The following DLG2 variants were observed in gnomAD, a reference collection of about 807,000 sequenced individuals.
The protein encoded by DLG2 is disks large homolog 2.
DLG2 carries 45 observed loss-of-function variants against 132.5 expected under a neutral mutation model. The observed-to-expected ratio is 0.34, with a 90% CI of 0.27 to 0.44. The LOEUF (loss-of-function observed/expected upper bound fraction) is 0.44, where lower values mean the gene tolerates loss of function less well. Among genes scored for constraint, DLG2 ranks in the 20% least tolerant of loss-of-function variants. The pLI, the probability that DLG2 is intolerant of heterozygous loss-of-function variation, is 1.00. For synonymous variants in DLG2, 424 were observed against 419.6 expected, an observed-to-expected ratio of 1.01 and a Z score of -0.13; for missense variants, 1,045 against 1,196.9, an observed-to-expected ratio of 0.87 and a Z score of 1.87.
At chr11:84,341,607 G>T (rs975315947) in intron 7 of DLG2, among the ~76,000 whole-genome samples, 5 of 152,198 alleles carry the variant, frequency 3.3e-5, no homozygotes, top group African/African-American at 9.6e-5. Flanking sequence ...TGCAACAAGG[G>T]TTGAGAATCA....
At chr11:83,511,817 G>C (rs2095045258) in intron 21 of DLG2, among the ~76,000 whole-genome samples, 1 of 150,820 alleles carries the variant, frequency 6.6e-6, no homozygotes, top group Non-Finnish European at 1.5e-5. Context: ...TCTCACCTCA[G>C]CCTCCCAAGT....
At chr11:84,230,528 T>C (rs1370462631) in intron 8 of DLG2, among the ~76,000 whole-genome samples, 1 of 152,232 alleles carries the variant, frequency 6.6e-6, no homozygotes, top group Non-Finnish European at 1.5e-5. Flanking sequence ...ATTGAGTAGC[T>C]GTGATTTTTT....
chr11:83,483,466 T>A lies in DLG2; in HGVS notation c.2293+663A>T, dbSNP rs80236859. ...AAAAAAACTTTCACCCCAAACTCCTTGAGCTGAGATTCAAGAAGGAAATTT... is the reference window on the plus strand; with the variant it reads ...AAAAAAACTTTCACCCCAAACTCCTAGAGCTGAGATTCAAGAAGGAAATTT... On this transcript the variant is annotated intron_variant, in intron 22 of 27. Transcript: ENST00000376104. Among the ~76,000 whole-genome samples the A allele has an allele frequency of 4.8e-4, 73 of 152,182 alleles. No homozygotes were observed. In the East Asian group the frequency reaches 0.014, roughly 29 times the overall value.
intron 6 of DLG2, among the ~76,000 whole-genome samples, chr11:84,701,726 C>T (rs1424319577): frequency 6.6e-6 from 1 of 151,582 alleles, no homozygotes; most frequent in East Asian, 1.9e-4. Flanking sequence ...TTTTATAATT[C>T]CTAATATTTG....
intron 6 of DLG2, among the ~76,000 whole-genome samples, chr11:84,746,215 G>T (rs1466197009): frequency 6.7e-6 from 1 of 149,712 alleles, no homozygotes; most frequent in South Asian, 2.1e-4. Context: ...ATGGAAATCT[G>T]TGAGGAAAGA....
intron 6 of DLG2, among the ~76,000 whole-genome samples, chr11:84,633,855 T>C (rs2099636235): frequency 6.6e-6 from 1 of 152,098 alleles, no homozygotes; most frequent in Admixed American, 6.6e-5. Context: ...AAATTTGGAC[T>C]GAGTGAAATA....
intron 3 of DLG2, among the ~76,000 whole-genome samples, chr11:85,593,946 T>C (rs941681093): frequency 1.3e-5 from 2 of 152,198 alleles, no homozygotes; most frequent in African/African-American, 2.4e-5. Context: ...TATAGCTTAC[T>C]GTTGTATCCC....
At chr11:85,500,332 A>C in intron 3 of DLG2, among the ~76,000 whole-genome samples, 1 of 133,980 alleles carries the variant, frequency 7.5e-6, no homozygotes. Flanking sequence ...ATAGGTGGGA[A>C]TTGAACAATG....
At chr11:85,377,266 G>T (rs1359920261) in intron 3 of DLG2, among the ~76,000 whole-genome samples, 1 of 152,162 alleles carries the variant, frequency 6.6e-6, no homozygotes, top group East Asian at 1.9e-4. Context: ...GGAAGCAACA[G>T]CTTAGCAAGG....
At chr11:84,454,335 G>T (rs886578269) in intron 7 of DLG2, among the ~76,000 whole-genome samples, 1 of 151,426 alleles carries the variant, frequency 6.6e-6, no homozygotes, top group Non-Finnish European at 1.5e-5. Flanking sequence ...TGGAACTCAG[G>T]AAATTGTCTA....
intron 6 of DLG2, among the ~76,000 whole-genome samples, chr11:84,617,379 T>C (rs1048978367): frequency 6.6e-6 from 1 of 152,156 alleles, no homozygotes; most frequent in Non-Finnish European, 1.5e-5. Context: ...TTATCCAGTC[T>C]ATCACTGATG....
At chr11:85,149,268 T>C (rs2077065662) in intron 5 of DLG2, among the ~76,000 whole-genome samples, 1 of 152,204 alleles carries the variant, frequency 6.6e-6, no homozygotes, top group South Asian at 2.1e-4. Flanking sequence ...AAAGTAGTTT[T>C]TTTCTAATTC....
chr11:84,119,266 C>A (rs1344020160), intron 9 of DLG2, among the ~76,000 whole-genome samples: 1 of 152,006 alleles, frequency 6.6e-6, no homozygotes, highest in Non-Finnish European at 1.5e-5. Flanking sequence ...TACCCAAATA[C>A]CGCTATTTCA....
At chr11:83,464,736 T>G (rs891773) in intron 26 of DLG2, among the ~76,000 whole-genome samples, 2 of 152,038 alleles carry the variant, frequency 1.3e-5, no homozygotes, top group Non-Finnish European at 2.9e-5. Context: ...CTCCTAATAT[T>G]GCACCGGACC....
intron 6 of DLG2, among the ~76,000 whole-genome samples, chr11:84,876,599 G>A (rs1034307436): frequency 3.9e-5 from 6 of 152,036 alleles, no homozygotes; most frequent in African/African-American, 1.4e-4. Flanking sequence ...CTGGGTAGCT[G>A]TCTATTTGTT....
intron 6 of DLG2, among the ~76,000 whole-genome samples, chr11:84,740,539 A>G (rs1362509105): frequency 6.6e-6 from 1 of 152,102 alleles, no homozygotes; most frequent in East Asian, 1.9e-4. Flanking sequence ...TTCCATATAG[A>G]GAACAAAGCC....
intron 6 of DLG2, among the ~76,000 whole-genome samples, chr11:84,595,855 T>C (rs1442819891): frequency 6.6e-6 from 1 of 152,196 alleles, no homozygotes; most frequent in African/African-American, 2.4e-5. Context: ...GTATAAGCAT[T>C]TGATGCTCTG....
intron 10 of DLG2, among the ~76,000 whole-genome samples, chr11:84,070,107 C>G (rs934930019): frequency 3.3e-5 from 5 of 152,162 alleles, no homozygotes; most frequent in Non-Finnish European, 7.3e-5. Context: ...ATTTCATTTC[C>G]CCTCTAAATT....
rs1258252889 is a variant in DLG2 at position 83,841,504 on chromosome 11, G to A, written c.1566-7734C>T. Among the ~76,000 whole-genome samples, 4 of 152,278 alleles carry A rather than the reference G, an allele frequency of 2.6e-5. No individual in the cohort carries two copies. The East Asian group carries it at 5.8e-4, about 22-fold the overall frequency. On this transcript the variant is annotated intron_variant, in intron 16 of 27. Transcript: ENST00000376104. ...TAGGCTGGGTTGGGTGCTTCACCTA[G>A]CAATCTTTTCATGTATCTATCATAA...
Sources: allele counts gnomAD v4.1 joint callset (sites outside exome capture counted in the v4.1 genomes callset), GRCh38; gene constraint gnomAD v4.1.1; transcripts MANE v1.5; gene names NCBI Gene and HGNC (gene_info 2026-07-23, HGNC 2026-07-21).